Variants in NCAN observed in about 807,000 individuals in gnomAD.
NCAN encodes neurocan core protein.
In NCAN, 47 loss-of-function variants were observed where a neutral mutation model predicts 121.8. That is an observed-to-expected ratio of 0.39 (90% CI 0.31 to 0.49). The LOEUF (loss-of-function observed/expected upper bound fraction) is 0.49. Among genes scored for constraint, NCAN ranks in the 20% least tolerant of loss-of-function variants. The pLI, the probability that NCAN is intolerant of heterozygous loss-of-function variation, is 0.92. For missense variants in NCAN, 1,517 were observed against 1,773.4 expected (o/e 0.86, Z 2.60); for synonymous variants, 633 against 702.0 (o/e 0.90, Z 1.55).
At chr19:19,214,523 CT>C (rs573560400) in intron 1 of NCAN, among the ~76,000 whole-genome samples, 1 of 152,020 alleles carries the variant, frequency 6.6e-6, no homozygotes, top group Admixed American at 6.6e-5. Flanking sequence ...ATACATGAGG[CT>C]TTGTGTCTAA....
At chr19:19,244,189 C>A (rs2060915257) in intron 12 of NCAN, among the ~76,000 whole-genome samples, 1 of 152,128 alleles carries the variant, frequency 6.6e-6, no homozygotes, top group Admixed American at 6.6e-5. Context: ...CATCACGCAG[C>A]TCCAGCCCCA....
intron 1 of NCAN, among the ~76,000 whole-genome samples, chr19:19,214,459 C>T (rs906238930): frequency 1.3e-5 from 2 of 151,402 alleles, no homozygotes; most frequent in African/African-American, 2.4e-5. Context: ...GGGGGGTGTG[C>T]ACCTGAAACT....
chr19:19,230,285 T>G (rs2060853228), intron 8 of NCAN, among the ~76,000 whole-genome samples: 1 of 152,030 alleles, frequency 6.6e-6, no homozygotes, highest in South Asian at 2.1e-4. Flanking sequence ...CCTCAGGTGA[T>G]CCACCTGCCT....
At chr19:19,220,627 T>G (rs1240244676) in intron 3 of NCAN, among the ~76,000 whole-genome samples, 2 of 151,948 alleles carry the variant, frequency 1.3e-5, no homozygotes, top group African/African-American at 4.8e-5. Context: ...CTGGCTAATT[T>G]TTTGTATTTT....
chr19:19,227,459 T>C lies in NCAN; in HGVS notation c.1839T>C (p.Ala613=). 1 of 1,613,324 alleles carries C rather than the reference T, an allele frequency of 6.2e-7. No individual in the cohort carries two copies. The highest frequency in any genetic ancestry group is 8.5e-7 in the Non-Finnish European group (1 of 1,179,792). ...CCCCCTTGGAGGCCACTGTCTCAGC[T>C]CCCAGCCCTGCCCCCTGGGAGGCAT... ...FWSPLEATVS[A]PSPAPWEAFP... Residue 613 remains alanine, a synonymous_variant, in exon 8 of 15, where the codon GCT becomes GCC. Coordinates refer to ENST00000252575, the MANE Select transcript of NCAN (RefSeq NM_004386.3). This position sits in a 1 kb window ranked among gnomAD's most constrained non-coding sequence, Gnocchi z 4.2.
chr19:19,229,499 G>A (rs778759604), intron 8 of NCAN, among the ~76,000 whole-genome samples: 6 of 152,188 alleles, frequency 3.9e-5, no homozygotes, highest in Non-Finnish European at 7.3e-5. Flanking sequence ...GGGAAAGTGG[G>A]TGCTGGGGAG....
chr19:19,237,827 T>G (rs2060887432), intron 10 of NCAN, among the ~76,000 whole-genome samples: 1 of 152,190 alleles, frequency 6.6e-6, no homozygotes, highest in Admixed American at 6.5e-5. Context: ...GCAGATCACT[T>G]GAGGCCAGGA....
Position 19,226,880 on chromosome 19 carries a change from C to T in NCAN, c.1467C>T (p.Arg489=), listed in dbSNP as rs929306040. 6.2e-7 allele frequency: 1 copy of T among 1,611,362 alleles called. No individual in the cohort carries two copies. The highest frequency in any genetic ancestry group is 8.5e-7 in the Non-Finnish European group (1 of 1,178,768). ...GGCGCTTCAAAGGGTTGAATGGGCG[C>T]TACTTCCAGCAGCAGGAACCGGAGC... ...RRGRFKGLNG[R]YFQQQEPEPG... The change falls in exon 7 of 15, where the codon CGC becomes CGT. Residue 489 remains arginine, a synonymous_variant. Transcript: ENST00000252575.
At position 19,226,922 on chromosome 19, in the gene NCAN, G is replaced by C; in HGVS notation, c.1509G>C (p.Gly503=). The change falls in exon 7 of 15, where the codon GGG becomes GGC. Residue 503 remains glycine, a synonymous_variant. Coordinates refer to ENST00000252575, the MANE Select transcript of NCAN (RefSeq NM_004386.3). ...AACCGGAGCCGGGGCTGCAAGGGGG[G>C]ATGGAGGCCAGCGCCCAGCCCCCCA... is the stretch of plus-strand genomic sequence containing the variant. ...QQEPEPGLQG[G]MEASAQPPTS... The C allele has an allele frequency of 6.3e-7, 1 of 1,597,922 alleles. No homozygotes were observed. The highest frequency in any genetic ancestry group is 8.5e-7 in the Non-Finnish European group (1 of 1,170,652).
In NCAN at chr19:19,235,115, A is replaced by G; in HGVS notation, c.3250+19A>G. On this transcript the variant is annotated intron_variant, in intron 10 of 14. Coordinates refer to ENST00000252575, the MANE Select transcript of NCAN (RefSeq NM_004386.3). ...GAGAAAGGTGAGTTTCTATTGCAAC[A>G]CCAGAAACAGTACCAAGAGTGGGGT... is the stretch of plus-strand genomic sequence containing the variant. 2 of 1,562,488 alleles carry G rather than the reference A, an allele frequency of 1.3e-6. No individual in the cohort carries two copies. The highest frequency in any genetic ancestry group is 1.8e-6 in the Non-Finnish European group (2 of 1,134,316).
intron 13 of NCAN, among the ~76,000 whole-genome samples, chr19:19,246,642 TCC>T (rs2060925464): frequency 6.6e-6 from 1 of 152,068 alleles, no homozygotes; most frequent in Admixed American, 6.6e-5. Flanking sequence ...CAAGCGATTC[TCC>T]TGCCTCAGCC....
At position 19,238,407 on chromosome 19, in the gene NCAN, T is replaced by G; in HGVS notation, c.3405T>G (p.Ile1135Met). 1 of 1,614,046 alleles carries G rather than the reference T, an allele frequency of 6.2e-7. No individual in the cohort carries two copies. Among genetic ancestry groups the G allele is most frequent in the Non-Finnish European group, 8.5e-7 (1 of 1,180,002 alleles). ...SVHSPEEHSFINSFGHENTWI... is the reference protein window; with the variant it reads ...SVHSPEEHSFMNSFGHENTWI... ...ACTCACCGGAGGAACACAGCTTCAT[T>G]AATAGTAGGGGCTCTGGGGAGGGGG... Residue 1135 changes from isoleucine (I) to methionine (M), a missense_variant, in exon 11 of 15, where the codon ATT becomes ATG. By Grantham distance (10) the Ile-to-Met change is conservative. Coordinates refer to ENST00000252575, the MANE Select transcript of NCAN (RefSeq NM_004386.3).
In NCAN at chr19:19,233,908, G is replaced by A. The variant is rs1339476112; in HGVS notation, c.3136+3G>A. On this transcript the variant is annotated splice_donor_region_variant and intron_variant, in intron 9 of 14. Coordinates refer to ENST00000252575, the MANE Select transcript of NCAN (RefSeq NM_004386.3). ...CGCCGGGGAGAACTGTGAGATTGGT[G>A]AGTACCCCAGACTCAGGATCTGAAT... is the stretch of plus-strand genomic sequence containing the variant. 1.3e-6 allele frequency: 2 copies of A among 1,569,600 alleles called. No homozygotes were observed. Among genetic ancestry groups the A allele is most frequent in the Admixed American group, 3.3e-5 (2 of 59,934 alleles).
At chr19:19,223,521 G>A (rs1440037696) in intron 3 of NCAN, among the ~76,000 whole-genome samples, 1 of 152,032 alleles carries the variant, frequency 6.6e-6, no homozygotes, top group Non-Finnish European at 1.5e-5. Context: ...CTCCCAGGCT[G>A]GAGTGCAGTG....
intron 12 of NCAN, among the ~76,000 whole-genome samples, chr19:19,243,597 C>T: frequency 6.6e-6 from 1 of 150,396 alleles, no homozygotes; most frequent in East Asian, 1.9e-4. Flanking sequence ...GTAATTAGTG[C>T]ATTAAACTGC....
chr19:19,225,336 A>T lies in NCAN; in HGVS notation c.1072+66A>T. 2 of 1,433,542 alleles carry T rather than the reference A, an allele frequency of 1.4e-6. No homozygotes were observed. The highest frequency in any genetic ancestry group is 9.1e-7 in the Non-Finnish European group (1 of 1,104,582). The allele number at this position is 1,433,542 out of a possible 1,614,324, so 88.8% of individuals were successfully genotyped here. A position where few individuals can be genotyped will look rare whatever the true frequency, so the allele number is the denominator to read the frequency against. On this transcript the variant is annotated intron_variant, in intron 6 of 14. Coordinates refer to ENST00000252575, the MANE Select transcript of NCAN (RefSeq NM_004386.3). This position sits in a 1 kb window ranked among gnomAD's most constrained non-coding sequence, Gnocchi z 4.0. The stretch of plus-strand genomic sequence containing the variant: ...CTTTGGCGAAGGCCACGTCCCTGAA[A>T]GCCTCGCCAAGCCAAGGGAGAGACA...
chr19:19,230,887 G>C (rs2060856654), intron 8 of NCAN, among the ~76,000 whole-genome samples: 1 of 129,434 alleles, frequency 7.7e-6, no homozygotes, highest in Non-Finnish European at 1.7e-5. Context: ...ACCCGGCTGT[G>C]TGTGTGTGTG....
At chr19:19,224,236 A>G (rs750277069) in intron 4 of NCAN, 41 bp downstream of exon 4, 92 of 1,591,350 alleles carry the variant, frequency 5.8e-5, no homozygotes, top group Non-Finnish European at 7.7e-5. Context: ...AGACTAGCTC[A>G]TGGGGAAGGA....
chr19:19,220,894 C>A (rs914948836), intron 3 of NCAN, among the ~76,000 whole-genome samples: 1 of 152,014 alleles, frequency 6.6e-6, no homozygotes, highest in Non-Finnish European at 1.5e-5. Context: ...CATAGCAAGA[C>A]CCTGTCTCTA....
Sources: allele counts gnomAD v4.1 joint callset (sites outside exome capture counted in the v4.1 genomes callset), GRCh38; gene constraint gnomAD v4.1.1; non-coding constraint Gnocchi (gnomAD v3.1); transcripts MANE v1.5; gene names NCBI Gene and HGNC (gene_info 2026-07-23, HGNC 2026-07-21).